The following CNTN5 variants were observed in gnomAD, a reference collection of about 807,000 sequenced individuals.
The protein encoded by CNTN5 is contactin 5, also known as contactin-5.
CNTN5 carries 77 observed loss-of-function variants against 129.1 expected under a neutral mutation model. The ratio of observed to expected loss-of-function variants is 0.60; its 90% CI spans 0.50 to 0.72. The LOEUF (loss-of-function observed/expected upper bound fraction) is 0.72, where lower values mean the gene tolerates loss of function less well. Ranked by LOEUF, CNTN5 falls within the 30% of genes least tolerant of loss-of-function variation. CNTN5 has a pLI of 0.00. For synonymous variants in CNTN5, 509 were observed against 465.6 expected, an observed-to-expected ratio of 1.09 and a Z score of -1.20; for missense variants, 1,478 against 1,328.8, an observed-to-expected ratio of 1.11 and a Z score of -1.75.
chr11:100,236,946 T>G (rs989846578), intron 16 of CNTN5, among the ~76,000 whole-genome samples: 4 of 151,844 alleles, frequency 2.6e-5, no homozygotes, highest in Non-Finnish European at 5.9e-5. Flanking sequence ...TCCCAGCACT[T>G]TGGGAGGCCA....
intron 2 of CNTN5, among the ~76,000 whole-genome samples, chr11:99,327,663 A>G (rs547646842): frequency 1.3e-5 from 2 of 152,326 alleles, no homozygotes; most frequent in African/African-American, 4.8e-5. Context: ...GATTCTGACA[A>G]GAGTGGATTC....
At chr11:99,304,339 A>AAT (rs912113677) in intron 1 of CNTN5, among the ~76,000 whole-genome samples, 2 of 152,168 alleles carry the variant, frequency 1.3e-5, no homozygotes, top group Non-Finnish European at 2.9e-5. Flanking sequence ...CCATCAAAAA[A>AAT]ATATATATTT....
At chr11:99,749,388 C>A (rs916318531) in intron 3 of CNTN5, among the ~76,000 whole-genome samples, 4 of 152,246 alleles carry the variant, frequency 2.6e-5, no homozygotes, top group South Asian at 4.1e-4. Context: ...TTCAAAGGAT[C>A]CTTGTAAAGA....
intron 3 of CNTN5, among the ~76,000 whole-genome samples, chr11:99,798,203 T>C (rs1445865355): frequency 6.6e-6 from 1 of 152,112 alleles, no homozygotes; most frequent in African/African-American, 2.4e-5. Context: ...AGTTAGAAGA[T>C]GCGGCATTTG....
At chr11:99,949,490 T>C (rs1950624943) in intron 7 of CNTN5, among the ~76,000 whole-genome samples, 1 of 152,118 alleles carries the variant, frequency 6.6e-6, no homozygotes, top group African/African-American at 2.4e-5. Flanking sequence ...ATCAGTGAAT[T>C]ATGGGAAACC....
At chr11:99,729,166 A>G (rs980410221) in intron 3 of CNTN5, among the ~76,000 whole-genome samples, 1 of 152,200 alleles carries the variant, frequency 6.6e-6, no homozygotes, top group African/African-American at 2.4e-5. Context: ...TAAATAAGGT[A>G]TAACATTCAC....
chr11:99,293,344 A>C (rs927715614), intron 1 of CNTN5, among the ~76,000 whole-genome samples: 2 of 152,184 alleles, frequency 1.3e-5, no homozygotes, highest in Middle Eastern at 3.4e-3. Flanking sequence ...TATTTTGTTG[A>C]GAATTTTTGC....
chr11:99,876,756 T>A (rs147394621), intron 6 of CNTN5, among the ~76,000 whole-genome samples: 1 of 152,290 alleles, frequency 6.6e-6, no homozygotes, highest in African/African-American at 2.4e-5. Context: ...ACAAGGCAGA[T>A]TATTCAGTTT....
intron 1 of CNTN5, among the ~76,000 whole-genome samples, chr11:99,293,280 C>A (rs1353568924): frequency 5.3e-5 from 8 of 152,056 alleles, no homozygotes; most frequent in Non-Finnish European, 1.5e-5. Context: ...GGATGAATCC[C>A]AGTTGGTCAT....
intron 2 of CNTN5, among the ~76,000 whole-genome samples, chr11:99,383,628 A>G (rs373307637): frequency 2.6e-5 from 4 of 151,966 alleles, no homozygotes; most frequent in Admixed American, 6.6e-5. Context: ...TTAAACTCAC[A>G]TAACTATAGA....
At chr11:99,257,331 C>A (rs190841325) in intron 1 of CNTN5, among the ~76,000 whole-genome samples, 1 of 152,220 alleles carries the variant, frequency 6.6e-6, no homozygotes, top group East Asian at 1.9e-4. Context: ...AAGAGCATTG[C>A]TCAACGTTGC....
At chr11:100,162,823 C>T (rs527607549) in intron 13 of CNTN5, among the ~76,000 whole-genome samples, 2 of 151,864 alleles carry the variant, frequency 1.3e-5, no homozygotes, top group Admixed American at 6.6e-5. Context: ...TTGGTAACTG[C>T]CTTTTTTCCC....
chr11:99,384,207 A>G (rs1352527102), intron 2 of CNTN5, among the ~76,000 whole-genome samples: 1 of 152,110 alleles, frequency 6.6e-6, no homozygotes, highest in East Asian at 1.9e-4. Context: ...CAAGAGAGAC[A>G]CTGTTTGTAC....
intron 1 of CNTN5, among the ~76,000 whole-genome samples, chr11:99,206,737 T>C (rs1859506802): frequency 6.6e-6 from 1 of 152,170 alleles, no homozygotes; most frequent in Non-Finnish European, 1.5e-5. Context: ...CACTGAAATA[T>C]CTTTAAGCAA....
At chr11:99,720,160 C>T (rs1463049434) in intron 3 of CNTN5, among the ~76,000 whole-genome samples, 1 of 152,092 alleles carries the variant, frequency 6.6e-6, no homozygotes, top group Non-Finnish European at 1.5e-5. Context: ...AGGGACTCCT[C>T]CACTCTATCT....
In CNTN5 at chr11:99,878,811, G is replaced by C. The variant is rs370452588; in HGVS notation, c.577+33549G>C. Among the ~76,000 whole-genome samples the C allele has an allele frequency of 1.4e-4, 22 of 152,110 alleles. No homozygotes were observed. The East Asian group carries it at 3.9e-3, about 27-fold the overall frequency. ...CAGAGGTTGCAGTGAGCCGAGATTG[G>C]GCCAATGCACTCCAGCCTGGCGACA... On this transcript the variant is annotated intron_variant, in intron 6 of 24. Transcript: ENST00000524871.
At chr11:99,471,504 C>T (rs930321570) in intron 2 of CNTN5, among the ~76,000 whole-genome samples, 6 of 152,042 alleles carry the variant, frequency 3.9e-5, no homozygotes, top group Non-Finnish European at 7.4e-5. Flanking sequence ...GGTTAGCTAG[C>T]GATTAAGAGC....
At chr11:99,944,695 C>T (rs1011326823) in intron 7 of CNTN5, among the ~76,000 whole-genome samples, 4 of 152,096 alleles carry the variant, frequency 2.6e-5, no homozygotes, top group South Asian at 2.1e-4. Context: ...GTGCAAAAAT[C>T]GCAAGCATTC....
At chr11:99,480,342 A>G (rs1484737256) in intron 2 of CNTN5, among the ~76,000 whole-genome samples, 1 of 152,178 alleles carries the variant, frequency 6.6e-6, no homozygotes, top group African/African-American at 2.4e-5. Context: ...TAAAGAGTAT[A>G]GGCTCTGGTG....
Sources: gnomAD v4.1 joint callset for allele counts (sites outside exome capture counted in the v4.1 genomes callset) on GRCh38, gnomAD v4.1.1 for gene constraint, MANE v1.5 for transcripts, NCBI Gene and HGNC (gene_info 2026-07-23, HGNC 2026-07-21) for gene names.